The following TRAPPC9 variants were observed in gnomAD, a reference collection of about 807,000 sequenced individuals.
TRAPPC9 encodes trafficking protein particle complex subunit 9, also known as IKK2 binding protein.
TRAPPC9 carries 83 observed loss-of-function variants against 124.0 expected under a neutral mutation model. The ratio of observed to expected loss-of-function variants is 0.67; its 90% CI spans 0.56 to 0.80. The LOEUF is 0.80. Ranked by LOEUF, TRAPPC9 falls within the 30% of genes least tolerant of loss-of-function variation. TRAPPC9 has a pLI of 0.00. For synonymous variants in TRAPPC9, 638 were observed against 617.5 expected (o/e 1.03, Z -0.49); for missense variants, 1,302 against 1,508.3 (o/e 0.86, Z 2.27).
At chr8:140,167,038 T>G (rs1193847676) in intron 17 of TRAPPC9, among the ~76,000 whole-genome samples, 1 of 151,982 alleles carries the variant, frequency 6.6e-6, no homozygotes, top group Non-Finnish European at 1.5e-5. Context: ...CCAAAAAAGG[T>G]AGCTGAATCA....
At chr8:139,796,667 T>C (rs866932306) in intron 21 of TRAPPC9, among the ~76,000 whole-genome samples, 5 of 152,244 alleles carry the variant, frequency 3.3e-5, no homozygotes, top group South Asian at 2.1e-4. Context: ...TGATGAGCAT[T>C]TGTGTTATTT....
At chr8:140,236,214 C>T (rs867935419) in intron 16 of TRAPPC9, among the ~76,000 whole-genome samples, 16 of 151,782 alleles carry the variant, frequency 1.1e-4, no homozygotes, top group Admixed American at 1.3e-4. Flanking sequence ...TCCCAAGTAG[C>T]TGGGATTATA....
At chr8:140,080,632 T>G (rs1843761930) in intron 17 of TRAPPC9, among the ~76,000 whole-genome samples, 1 of 152,138 alleles carries the variant, frequency 6.6e-6, no homozygotes. Flanking sequence ...CACCAATCTA[T>G]TCCGGAGGGT....
chr8:140,083,801 G>C lies in TRAPPC9; in HGVS notation c.2557-59722C>G, dbSNP rs183541920. On this transcript the variant is annotated intron_variant, in intron 17 of 22. Transcript: ENST00000438773. Reference sequence around the variant, plus strand: ...CCCACCTCAGCCTCCCAAGTAGCTAGGATTACAGGCACGGGCCACCACATC... The same window carrying C: ...CCCACCTCAGCCTCCCAAGTAGCTACGATTACAGGCACGGGCCACCACATC... Among the ~76,000 whole-genome samples the C allele has an allele frequency of 2.0e-3, 302 of 152,254 alleles. 1 individual carries two copies. The highest frequency in any genetic ancestry group is 6.8e-3 in the African/African-American group (283 of 41,538).
chr8:140,211,977 G>T (rs1461840509), intron 17 of TRAPPC9, among the ~76,000 whole-genome samples: 1 of 152,256 alleles, frequency 6.6e-6, no homozygotes, highest in Admixed American at 6.5e-5. Flanking sequence ...AGAAGGGCCT[G>T]ACTCTGGGTG....
At chr8:139,982,307 G>A (rs144482046) in intron 19 of TRAPPC9, among the ~76,000 whole-genome samples, 252 of 152,302 alleles carry the variant, frequency 1.7e-3, no homozygotes, top group African/African-American at 5.6e-3. Flanking sequence ...AAAGGCGGGC[G>A]GTGGAGAACA....
intron 17 of TRAPPC9, among the ~76,000 whole-genome samples, chr8:140,133,104 C>A (rs1280918623): frequency 1.3e-5 from 2 of 152,162 alleles, no homozygotes; most frequent in Non-Finnish European, 2.9e-5. Flanking sequence ...CCAAAGACAT[C>A]AGAAGAAAAG....
chr8:140,138,562 T>C (rs1321627571), intron 17 of TRAPPC9, among the ~76,000 whole-genome samples: 3 of 152,186 alleles, frequency 2.0e-5, no homozygotes, highest in South Asian at 2.1e-4. Context: ...CTTGCTGGAA[T>C]TTATGGTAAT....
intron 17 of TRAPPC9, among the ~76,000 whole-genome samples, chr8:140,026,875 T>A (rs1027251292): frequency 6.6e-6 from 1 of 151,926 alleles, no homozygotes; most frequent in African/African-American, 2.4e-5. Flanking sequence ...AAATACAGAT[T>A]TTTTTTTAAT....
chr8:140,371,300 G>C, intron 7 of TRAPPC9, 120 bp from the exon 8 acceptor site: 2 of 1,117,164 alleles, frequency 1.8e-6, no homozygotes, highest in South Asian at 1.3e-5. Flanking sequence ...GAGAATCAAG[G>C]AGAGGGAAAG....
chr8:140,154,047 T>C (rs2061591107), intron 17 of TRAPPC9, among the ~76,000 whole-genome samples: 1 of 152,230 alleles, frequency 6.6e-6, no homozygotes, highest in Non-Finnish European at 1.5e-5. Context: ...GATTTGTTTA[T>C]ACAGCTGTCG....
At chr8:140,458,422 C>T (rs1400505891), upstream of TRAPPC9, 1 of 1,587,082 alleles carries the variant, frequency 6.3e-7, no homozygotes, top group Admixed American at 1.8e-5. Flanking sequence ...GTCGTGCCCC[C>T]CACGTGGGTG....
chr8:140,179,993 A>AT (rs71520259), intron 17 of TRAPPC9, among the ~76,000 whole-genome samples: 1,756 of 89,952 alleles, frequency 0.02, 73 homozygotes, highest in African/African-American at 0.033. Context: ...TTATATCTTG[A>AT]TTTTTTTTTT....
chr8:139,883,262 G>A (rs1482726537), intron 21 of TRAPPC9, among the ~76,000 whole-genome samples: 1 of 152,244 alleles, frequency 6.6e-6, no homozygotes, highest in East Asian at 1.9e-4. Context: ...CAGCAAGAGG[G>A]CCCTCGCCAG....
intron 9 of TRAPPC9, among the ~76,000 whole-genome samples, chr8:140,330,432 AGT>A (rs770340522): frequency 4.6e-5 from 7 of 152,210 alleles, no homozygotes; most frequent in Admixed American, 6.5e-5. Context: ...ATAAATTTGC[AGT>A]GAGCCACATT....
chr8:140,377,562 T>C lies in TRAPPC9; in HGVS notation c.1135-6382A>G, dbSNP rs552254067. On this transcript the variant is annotated intron_variant, in intron 7 of 22. Transcript: ENST00000438773. ...GATCCGCCTCAGCCTCCCAAAGTGC[T>C]GGGATTACAGGCATGAGCCACTGCA... 4.6e-5 allele frequency among the ~76,000 whole-genome samples: 7 copies of C among 152,336 alleles called. No homozygotes were observed. The South Asian group carries it at 1.5e-3, about 32-fold the overall frequency.
At chr8:139,847,688 C>T (rs1293021258) in intron 21 of TRAPPC9, among the ~76,000 whole-genome samples, 4 of 146,572 alleles carry the variant, frequency 2.7e-5, no homozygotes, top group Non-Finnish European at 4.5e-5. Context: ...CCTGCCTTCC[C>T]GACGGCCCGG....
At chr8:140,240,989 G>A (rs1052337851) in intron 16 of TRAPPC9, among the ~76,000 whole-genome samples, 10 of 152,150 alleles carry the variant, frequency 6.6e-5, no homozygotes, top group Admixed American at 1.3e-4. Flanking sequence ...TTCCCACGGG[G>A]ATCCCCTCCT....
chr8:139,851,447 A>C (rs930078875), intron 21 of TRAPPC9, among the ~76,000 whole-genome samples: 9 of 152,104 alleles, frequency 5.9e-5, no homozygotes, highest in Admixed American at 3.3e-4. Context: ...TGACAACAGG[A>C]TGGTGGTTAG....
Sources: gnomAD v4.1 joint callset for allele counts (sites outside exome capture counted in the v4.1 genomes callset) on GRCh38, gnomAD v4.1.1 for gene constraint, MANE v1.5 for transcripts, NCBI Gene and HGNC (gene_info 2026-07-23, HGNC 2026-07-21) for gene names.